The following MKI67 variants were observed in gnomAD, a reference collection of about 807,000 sequenced individuals.
MKI67 encodes the protein marker of proliferation Ki-67, also known as proliferation marker protein Ki-67.
A neutral mutation model predicts 233.5 loss-of-function variants in MKI67; 152 were observed. The ratio of observed to expected loss-of-function variants is 0.65; its 90% CI spans 0.57 to 0.74. The LOEUF (loss-of-function observed/expected upper bound fraction) is 0.74. Among genes scored for constraint, MKI67 ranks in the 30% least tolerant of loss-of-function variants. The pLI, the probability that MKI67 is intolerant of heterozygous loss-of-function variation, is 0.00. For missense variants in MKI67, 3,940 were observed against 3,885.2 expected (o/e 1.01, Z -0.37); for synonymous variants, 1,465 against 1,418.5 (o/e 1.03, Z -0.74).
At chr10:128,102,278 C>T (rs540210006) in intron 13 of MKI67, among the ~76,000 whole-genome samples, 1 of 152,324 alleles carries the variant, frequency 6.6e-6, no homozygotes, top group East Asian at 1.9e-4. Context: ...AGAACTGAAC[C>T]ACCCACCTAT....
At position 128,108,390 on chromosome 10, in the gene MKI67, A is replaced by T; in HGVS notation, c.3450T>A (p.Ser1150Arg). The T allele has an allele frequency of 1.2e-6, 2 of 1,613,650 alleles. No individual in the cohort carries two copies. The highest frequency in any genetic ancestry group is 1.7e-6 in the Non-Finnish European group (2 of 1,179,938). The stretch of plus-strand genomic sequence containing the variant: ...CTTCCTCTACATCTGCTTTCCTGAG[A>T]CTTCTCTTAGGCCATTGCTTTGTGC... ...PTSTKQWPKR[S>R]LRKADVEEEF... The change falls in exon 13 of 15, where the codon AGT becomes AGA. Residue 1150 changes from serine (S) to arginine (R), a missense_variant. By Grantham distance (110) the Ser-to-Arg change is moderately radical. Coordinates refer to ENST00000368654, the MANE Select transcript of MKI67 (RefSeq NM_002417.5).
chr10:128,121,972 C>A (rs1852957559), intron 4 of MKI67, among the ~76,000 whole-genome samples: 1 of 152,110 alleles, frequency 6.6e-6, no homozygotes. Context: ...GAGATCCATG[C>A]TTAGGTAGTG....
At chr10:128,110,713 A>C (rs963979449) in intron 11 of MKI67, among the ~76,000 whole-genome samples, 180 bp from the exon 12 acceptor site, 7 of 152,210 alleles carry the variant, frequency 4.6e-5, no homozygotes, top group Non-Finnish European at 7.3e-5. Context: ...TTTTGTAAAA[A>C]AGAGAGCACA....
intron 4 of MKI67, 136 bp downstream of exon 4, chr10:128,122,745 G>A: frequency 2.0e-6 from 1 of 497,010 alleles, no homozygotes; most frequent in Non-Finnish European, 3.6e-6. Context: ...TTTAAATTAA[G>A]ATTAGTGTTG....
intron 12 of MKI67, 93 bp downstream of exon 12, chr10:128,110,285 T>C (rs1852642993): frequency 1.9e-6 from 2 of 1,039,258 alleles, no homozygotes; most frequent in Non-Finnish European, 2.7e-6. Flanking sequence ...GGAACATTTG[T>C]TTTAGAGAAG....
intron 13 of MKI67, 50 bp downstream of exon 13, chr10:128,102,529 T>G: frequency 6.3e-7 from 1 of 1,577,782 alleles, no homozygotes; most frequent in Non-Finnish European, 8.6e-7. Flanking sequence ...ACACAGAAAT[T>G]CACAACTATC....
chr10:128,102,986 T>C lies in MKI67; in HGVS notation c.8854A>G (p.Ser2952Gly). 6.2e-7 allele frequency: 1 copy of C among 1,614,230 alleles called. No homozygotes were observed. The highest frequency in any genetic ancestry group is 2.2e-5 in the East Asian group (1 of 44,886). The change falls in exon 13 of 15, where the codon AGT becomes GGT. Residue 2952 changes from serine to glycine, a missense_variant. Coordinates refer to ENST00000368654, the MANE Select transcript of MKI67 (RefSeq NM_002417.5). ...CTGGATATTTTTAGAGGTTTTCCAC[T>C]GTCAGGTGTTTGCTTTGGAGCGCTT... Reference protein sequence around the residue: ...FTSAPKQTPDSGKPLKISRRV... With the variant: ...FTSAPKQTPDGGKPLKISRRV...
Position 128,125,592 on chromosome 10 carries a change from T to G in MKI67, c.76A>C (p.Thr26Pro). 6.2e-7 allele frequency: 1 copy of G among 1,613,166 alleles called. No individual in the cohort carries two copies. Among genetic ancestry groups the G allele is most frequent in the Non-Finnish European group, 8.5e-7 (1 of 1,179,760 alleles). Reference protein sequence around the residue: ...DGPHFPLSLSTCLFGRGIECD... With the variant: ...DGPHFPLSLSPCLFGRGIECD... ...GGGGCTCACCTTCCAAACAAGCAGG[T>G]GCTGAGGCTCAGGGGAAAGTGGGGA... Residue 26 changes from threonine to proline, a missense_variant, in exon 2 of 15, where the codon ACC becomes CCC. By Grantham distance (38) the Thr-to-Pro change is conservative. Coordinates refer to ENST00000368654, the MANE Select transcript of MKI67 (RefSeq NM_002417.5). The surrounding 1 kb of genome is among the most constrained non-coding windows in gnomAD (Gnocchi z 5.3).
In MKI67 at chr10:128,103,744, C is replaced by T. The variant is rs771337138; in HGVS notation, c.8096G>A (p.Gly2699Asp). ...SGHTQESLTA[G>D]KATKIPCESP... ...TTCGCAGGGTATTTTAGTGGCTTTG[C>T]CAGCAGTCAGTGATTCCTGAGTGTG... Residue 2699 changes from glycine to aspartate, a missense_variant, in exon 13 of 15, where the codon GGC becomes GAC. By Grantham distance (94) the Gly-to-Asp change is moderately conservative. Transcript: ENST00000368654. 1 of 1,613,582 alleles carries T rather than the reference C, an allele frequency of 6.2e-7. No homozygotes were observed. The highest frequency in any genetic ancestry group is 8.5e-7 in the Non-Finnish European group (1 of 1,179,920).
Position 128,114,972 on chromosome 10 carries a change from G to C in MKI67, c.1436C>G (p.Pro479Arg). The change falls in exon 7 of 15, where the codon CCT becomes CGT. Residue 479 changes from proline (P) to arginine (R), a missense_variant. Physicochemically the swap from Pro to Arg is moderately radical, Grantham distance 103 (BLOSUM62 -2). Coordinates refer to ENST00000368654, the MANE Select transcript of MKI67 (RefSeq NM_002417.5). Reference protein sequence around the residue: ...TTAGQMCSGLPGLSSVDINNF... With the variant: ...TTAGQMCSGLRGLSSVDINNF... ...GTTGATATCAACTGAACTAAGACCA[G>C]GTAACCCAGAGCACATCTGTCCAGC... The C allele has an allele frequency of 6.3e-7, 1 of 1,590,462 alleles. No homozygotes were observed. Among genetic ancestry groups the C allele is most frequent in the Non-Finnish European group, 8.6e-7 (1 of 1,163,544 alleles).
rs146580693 is a variant in MKI67, at chr10:128,105,589, T to G, written c.6251A>C (p.Gln2084Pro). Reference sequence around the variant, plus strand: ...TGATTCCTCAGTGTGGTCTGGTGTCTGGAAGAGCTCTTTGAAGCCGGCCAG... The same window carrying G: ...TGATTCCTCAGTGTGGTCTGGTGTCGGGAAGAGCTCTTTGAAGCCGGCCAG... ...EDLAGFKELF[Q>P]TPDHTEESTT... The change falls in exon 13 of 15, where the codon CAG becomes CCG. Residue 2084 changes from glutamine to proline, a missense_variant. Coordinates refer to ENST00000368654, the MANE Select transcript of MKI67 (RefSeq NM_002417.5). The G allele has an allele frequency of 7.8e-4, 1,261 of 1,614,208 alleles. 4 individuals carry two copies. The highest frequency in any genetic ancestry group is 6.1e-3 in the Middle Eastern group (37 of 6,062).
intron 2 of MKI67, among the ~76,000 whole-genome samples, chr10:128,123,887 A>G (rs1337904413): frequency 6.6e-6 from 1 of 152,196 alleles, no homozygotes; most frequent in Non-Finnish European, 1.5e-5. Flanking sequence ...CAATTCCTAA[A>G]CCTATACAAA....
chr10:128,105,663 C>T lies in MKI67; in HGVS notation c.6177G>A (p.Met2059Ile), dbSNP rs1260543886. ...MLDPANYGTG[M>I]ERWPRTPKEE... ...CCTTAGGTGTTCTTGGCCACCTCTC[C>T]ATCCCAGTTCCATAGTTTGCTGGGT... Residue 2059 changes from methionine to isoleucine, a missense_variant, in exon 13 of 15, where the codon ATG becomes ATA. Physicochemically the swap from Met to Ile is conservative, Grantham distance 10. Coordinates refer to ENST00000368654, the MANE Select transcript of MKI67 (RefSeq NM_002417.5). 3 of 1,613,480 alleles carry T rather than the reference C, an allele frequency of 1.9e-6. No homozygotes were observed. The highest frequency in any genetic ancestry group is 1.7e-5 in the Admixed American group (1 of 59,920).
chr10:128,108,608 G>A lies in MKI67; in HGVS notation c.3232C>T (p.Pro1078Ser), dbSNP rs771327957. Reference protein sequence around the residue: ...FKESPKQILDPAARVTGMKKW... With the variant: ...FKESPKQILDSAARVTGMKKW... ...TTCATTCCAGTTACACGGGCTGCTG[G>A]GTCCAGGATCTGCTTTGGAGACTCC... The change falls in exon 13 of 15, where the codon CCA (proline) becomes TCA (serine). Residue 1078 changes from proline to serine, a missense_variant. Physicochemically the swap from Pro to Ser is moderately conservative, Grantham distance 74. Transcript: ENST00000368654. 6 of 1,614,018 alleles carry A rather than the reference G, an allele frequency of 3.7e-6. No homozygotes were observed. Among genetic ancestry groups the A allele is most frequent in the Middle Eastern group, 1.6e-4 (1 of 6,084 alleles).
chr10:128,114,907 T>C, intron 7 of MKI67, 21 bp downstream of exon 7: 2 of 1,523,824 alleles, frequency 1.3e-6, no homozygotes, highest in African/African-American at 2.8e-5. Context: ...GAAAAATAAA[T>C]TTACAATTAA....
rs150332413 is a variant in MKI67, at chr10:128,102,989, C to T, written c.8851G>A (p.Asp2951Asn). The change falls in exon 13 of 15, where the codon GAC becomes AAC. Residue 2951 changes from aspartate (D) to asparagine (N), a missense_variant. Transcript: ENST00000368654. ...SFTSAPKQTP[D>N]SGKPLKISRR... Reference sequence around the variant, plus strand: ...GATATTTTTAGAGGTTTTCCACTGTCAGGTGTTTGCTTTGGAGCGCTTGTA... The same window carrying T: ...GATATTTTTAGAGGTTTTCCACTGTTAGGTGTTTGCTTTGGAGCGCTTGTA... The T allele has an allele frequency of 3.9e-5, 63 of 1,614,124 alleles. No homozygotes were observed. The highest frequency in any genetic ancestry group is 5.1e-5 in the Non-Finnish European group (60 of 1,180,054).
At position 128,106,904 on chromosome 10, in the gene MKI67, G is replaced by C; in HGVS notation, c.4936C>G (p.Leu1646Val). 6.2e-7 allele frequency: 1 copy of C among 1,614,096 alleles called. No individual in the cohort carries two copies. The highest frequency in any genetic ancestry group is 8.5e-7 in the Non-Finnish European group (1 of 1,180,018). The change falls in exon 13 of 15, where the codon CTC (leucine) becomes GTC (valine). Residue 1646 changes from leucine (L) to valine (V), a missense_variant. Transcript: ENST00000368654. ...SLGKVGVKEELLAVGKLTQTS... is the reference protein window; with the variant it reads ...SLGKVGVKEEVLAVGKLTQTS... ...TGTGTGAGCTTGCCAACTGCTAGGA[G>C]CTCTTCTTTCACGCCCACTTTCCCC...
chr10:128,122,011 A>T (rs1412392808), intron 4 of MKI67, among the ~76,000 whole-genome samples: 1 of 152,216 alleles, frequency 6.6e-6, no homozygotes, highest in Non-Finnish European at 1.5e-5. Flanking sequence ...ATATCCTAAA[A>T]GCCAAAACGG....
Position 128,107,994 on chromosome 10 carries a change from G to C in MKI67, c.3846C>G (p.Leu1282=), listed in dbSNP as rs1170914513. ...SIRKADVEGE[L]LACRNLMPSA... ...ATGGCATTAGATTCCTGCACGCTAA[G>C]AGTTCTCCCTCTACATCTGCTTTCC... The change falls in exon 13 of 15, where the codon CTC becomes CTG. Residue 1282 remains leucine (L), a synonymous_variant. Coordinates refer to ENST00000368654, the MANE Select transcript of MKI67 (RefSeq NM_002417.5). 1 of 1,613,980 alleles carries C rather than the reference G, an allele frequency of 6.2e-7. No individual in the cohort carries two copies.
Sources: gnomAD v4.1 joint callset for allele counts (sites outside exome capture counted in the v4.1 genomes callset) on GRCh38, gnomAD v4.1.1 for gene constraint, Gnocchi (gnomAD v3.1) non-coding constraint, MANE v1.5 for transcripts, NCBI Gene and HGNC (gene_info 2026-07-23, HGNC 2026-07-21) for gene names.